Variants in DMD observed in about 807,000 individuals in gnomAD.
DMD encodes mutant dystrophin.
Under a neutral mutation model 330.1 loss-of-function variants are expected in DMD, and 63 were observed. The observed-to-expected ratio is 0.19, with a 90% CI of 0.16 to 0.24. DMD has a LOEUF of 0.24. Among genes scored for constraint, DMD ranks in the 10% least tolerant of loss-of-function variants. DMD has a pLI of 1.00. For missense variants in DMD, 3,344 were observed against 2,684.1 expected, an observed-to-expected ratio of 1.25 and a Z score of -5.43; for synonymous variants, 1,223 against 959.8, an observed-to-expected ratio of 1.27 and a Z score of -5.07.
intron 30 of DMD, among the ~76,000 whole-genome samples, chrX:32,398,469 T>C (rs1002829815): frequency 1.8e-5 from 2 of 110,880 alleles, no homozygotes; most frequent in Admixed American, 9.7e-5. Flanking sequence ...TGGCTTCTTA[T>C]CAAATTTAGG....
At chrX:31,494,729 G>T (rs754852741) in intron 57 of DMD, among the ~76,000 whole-genome samples, 1 of 111,724 alleles carries the variant, frequency 9.0e-6, no homozygotes, top group Non-Finnish European at 1.9e-5. Context: ...ACAAAATACT[G>T]GCTGGAAGAA....
At chrX:32,175,715 A>G (rs966989566) in intron 44 of DMD, among the ~76,000 whole-genome samples, 6 of 111,066 alleles carry the variant, frequency 5.4e-5, no homozygotes, top group Non-Finnish European at 1.1e-4. Context: ...GGTTACCTTC[A>G]GGTGCTTTTG....
intron 1 of DMD, among the ~76,000 whole-genome samples, chrX:33,195,732 TTGTGTGTGTG>T (rs71969580): frequency 5.1e-5 from 5 of 97,702 alleles, no homozygotes; most frequent in East Asian, 3.3e-4. Context: ...CTGTTCTATT[TTGTGTGTGTG>T]TGTGTGTGTG....
In DMD at chrX:32,268,907, C is replaced by T. The variant is rs769666254; in HGVS notation, c.6290+18622G>A. ...TATGAGCAGGGTAGGAGACCCCCCA[C>T]CCCCGCCACCCCAACCAGGAATGTC... On this transcript the variant is annotated intron_variant, in intron 43 of 78. Transcript: ENST00000357033. 7.1e-4 allele frequency among the ~76,000 whole-genome samples: 76 copies of T among 107,706 alleles called. No individual in the cohort carries two copies. The South Asian group carries it at 0.012, about 17-fold the overall frequency. 93.5% of individuals were successfully genotyped at this position (107,706 alleles called of 115,157 possible). A position where few individuals can be genotyped will look rare whatever the true frequency, so the allele number is the denominator to read the frequency against.
intron 1 of DMD, among the ~76,000 whole-genome samples, chrX:33,074,593 A>T (rs2148187687): frequency 9.0e-6 from 1 of 110,962 alleles, no homozygotes; most frequent in South Asian, 3.9e-4. Context: ...TAATGGATTA[A>T]TGAGTTAATG....
At chrX:31,984,610 G>GA (rs764440499) in intron 44 of DMD, among the ~76,000 whole-genome samples, 24 of 112,159 alleles carry the variant, frequency 2.1e-4, no homozygotes, top group Non-Finnish European at 3.8e-4. Flanking sequence ...CTCACATGAT[G>GA]AAAAAAACAC....
rs776669956 is a variant in DMD, at chrX:32,916,706, G to T, written c.94-66886C>A. Among the ~76,000 whole-genome samples, 4 of 111,425 alleles carry T rather than the reference G, an allele frequency of 3.6e-5. No homozygotes were observed. In the South Asian group the frequency reaches 1.5e-3, roughly 42 times the overall value. ...AAAAGAGTAAAATATTTTTTTCCAA[G>T]CACAGCCCAGTAATATTGGACATGT... On this transcript the variant is annotated intron_variant, in intron 2 of 78. Transcript: ENST00000357033.
At chrX:31,149,717 C>T (rs1602167381) in intron 74 of DMD, among the ~76,000 whole-genome samples, 1 of 111,529 alleles carries the variant, frequency 9.0e-6, no homozygotes, top group East Asian at 2.8e-4. Flanking sequence ...TAGGGTTATA[C>T]ATTTCCTCCT....
At chrX:32,617,950 T>C (rs1158111259) in intron 11 of DMD, among the ~76,000 whole-genome samples, 1 of 111,286 alleles carries the variant, frequency 9.0e-6, no homozygotes, top group Non-Finnish European at 1.9e-5. Flanking sequence ...GACAAATGGA[T>C]AACACAGATA....
At chrX:33,339,365 T>G in exon 1 of DMD, 2 of 913,491 alleles carry the variant, frequency 2.2e-6, no homozygotes, top group Non-Finnish European at 3.0e-6. Flanking sequence ...TCTGTCATCT[T>G]CCTGAAAGCA....
intron 44 of DMD, among the ~76,000 whole-genome samples, chrX:32,158,537 C>T (rs2096838290): frequency 1.8e-5 from 2 of 111,891 alleles, no homozygotes; most frequent in Non-Finnish European, 3.8e-5. Context: ...GTGGACCCCA[C>T]TGTGTGTAGC....
intron 1 of DMD, among the ~76,000 whole-genome samples, chrX:33,124,486 A>C (rs868486459): frequency 1.2e-4 from 12 of 96,266 alleles, no homozygotes; most frequent in African/African-American, 5.0e-4. Context: ...GAAAAAAAAA[A>C]AAAAAAAAAA....
At chrX:32,642,682 C>A (rs2059546111) in intron 11 of DMD, among the ~76,000 whole-genome samples, 1 of 111,879 alleles carries the variant, frequency 8.9e-6, no homozygotes, top group Non-Finnish European at 1.9e-5. Flanking sequence ...AGGAGGAATT[C>A]ATATTTTCTT....
chrX:33,176,635 A>G (rs1297421420), intron 1 of DMD, among the ~76,000 whole-genome samples: 2 of 109,362 alleles, frequency 1.8e-5, no homozygotes, highest in Non-Finnish European at 3.8e-5. Flanking sequence ...TTGTGAGTGA[A>G]GGGATGAAAA....
intron 1 of DMD, among the ~76,000 whole-genome samples, chrX:33,219,450 AT>A (rs1287635618): frequency 3.9e-4 from 34 of 86,739 alleles, no homozygotes; most frequent in African/African-American, 1.4e-3. Context: ...AAATGTTCAG[AT>A]TTTTTTTTCC....
At chrX:33,319,538 G>A (rs2053984282) in intron 1 of DMD, among the ~76,000 whole-genome samples, 1 of 111,700 alleles carries the variant, frequency 9.0e-6, no homozygotes, top group African/African-American at 3.3e-5. Flanking sequence ...ACTCCTATGA[G>A]ATTCACTTGT....
chrX:31,869,689 G>A (rs1338361306), intron 48 of DMD, among the ~76,000 whole-genome samples: 1 of 109,514 alleles, frequency 9.1e-6, no homozygotes, highest in Non-Finnish European at 1.9e-5. Flanking sequence ...GAAGCTGGAT[G>A]ACTTGCTATA....
intron 56 of DMD, among the ~76,000 whole-genome samples, chrX:31,497,867 T>C (rs745523835): frequency 8.9e-6 from 1 of 112,500 alleles, no homozygotes; most frequent in African/African-American, 3.2e-5. Context: ...CAATTACTAA[T>C]TAATTCATAA....
At chrX:31,905,950 T>C (rs762028471) in intron 47 of DMD, among the ~76,000 whole-genome samples, 1 of 112,175 alleles carries the variant, frequency 8.9e-6, no homozygotes, top group East Asian at 2.8e-4. Context: ...ATTAGCTTCT[T>C]TTGTTTTTCA....
Sources: allele counts gnomAD v4.1 joint callset (sites outside exome capture counted in the v4.1 genomes callset), GRCh38; gene constraint gnomAD v4.1.1; transcripts MANE v1.5; gene names NCBI Gene and HGNC (gene_info 2026-07-23, HGNC 2026-07-21).